The following ATP2C1 variants were observed in gnomAD, a reference collection of about 807,000 sequenced individuals.
ATP2C1 encodes the protein calcium-transporting ATPase type 2C member 1.
Under a neutral mutation model 120.5 loss-of-function variants are expected in ATP2C1, and 31 were observed. The ratio of observed to expected loss-of-function variants is 0.26; its 90% confidence interval spans 0.19 to 0.35. The LOEUF is 0.35. ATP2C1 is among the 10% of genes least tolerant of loss of function. ATP2C1 has a pLI of 1.00. For synonymous variants in ATP2C1, 351 were observed against 358.7 expected, an observed-to-expected ratio of 0.98 and a Z score of 0.24; for missense variants, 731 against 1,107.5, an observed-to-expected ratio of 0.66 and a Z score of 4.83.
chr3:130,992,733 T>C (rs577305892), intron 20 of ATP2C1, among the ~76,000 whole-genome samples: 2 of 152,370 alleles, frequency 1.3e-5, no homozygotes, highest in South Asian at 2.1e-4. Flanking sequence ...ATGACTTGTT[T>C]AGATTGTGTA....
At position 130,903,011 on chromosome 3, in the gene ATP2C1, A is replaced by G. The variant is rs978552146; in HGVS notation, c.6+8236A>G. ...GGAGTCACTGGAATTCTTTGCTGCT[A>G]TTTCTTTCCTTTTAGGAAAAAAACC... On this transcript the variant is annotated intron_variant, in intron 2 of 27. Transcript: ENST00000510168. Among the ~76,000 whole-genome samples the G allele has an allele frequency of 4.6e-5, 7 of 151,662 alleles. No homozygotes were observed. The South Asian group carries it at 6.2e-4, about 14-fold the overall frequency.
At chr3:130,964,825 A>G (rs2108639078) in intron 13 of ATP2C1, 123 bp from the exon 14 acceptor site, 2 of 655,958 alleles carry the variant, frequency 3.0e-6, no homozygotes, top group African/African-American at 1.8e-5. Flanking sequence ...AAAATTAACA[A>G]TGAGTTTGAT....
intron 2 of ATP2C1, among the ~76,000 whole-genome samples, chr3:130,920,872 TAAAC>T (rs1400160578): frequency 6.6e-6 from 1 of 152,162 alleles, no homozygotes; most frequent in African/African-American, 2.4e-5. Flanking sequence ...TGGTTTTCAA[TAAAC>T]AAACCTGTCA....
chr3:130,913,859 A>G (rs1206034245), intron 2 of ATP2C1, among the ~76,000 whole-genome samples: 2 of 152,228 alleles, frequency 1.3e-5, no homozygotes, highest in Non-Finnish European at 2.9e-5. Context: ...TCCTGGCCAT[A>G]TCACTTACTA....
At chr3:130,881,648 A>G (rs2068785240) in intron 1 of ATP2C1, among the ~76,000 whole-genome samples, 1 of 152,276 alleles carries the variant, frequency 6.6e-6, no homozygotes, top group Non-Finnish European at 1.5e-5. Context: ...TGCTTTGGGT[A>G]GCATGGACAT....
At chr3:130,974,268 A>G (rs1037196216) in intron 17 of ATP2C1, among the ~76,000 whole-genome samples, 2 of 152,262 alleles carry the variant, frequency 1.3e-5, no homozygotes, top group Non-Finnish European at 2.9e-5. Context: ...CAATCAGGAT[A>G]GGCCATGAAA....
chr3:131,008,423 C>CAAA (rs747486056), intron 26 of ATP2C1, among the ~76,000 whole-genome samples: 18 of 86,976 alleles, frequency 2.1e-4, no homozygotes, highest in African/African-American at 7.3e-4. Flanking sequence ...AAGACTGTCT[C>CAAA]AAAAAAAAAA....
At chr3:130,971,271 G>T (rs1462733231) in intron 17 of ATP2C1, among the ~76,000 whole-genome samples, 2 of 152,146 alleles carry the variant, frequency 1.3e-5, no homozygotes, top group Non-Finnish European at 2.9e-5. Context: ...TACATTGGAA[G>T]ATTAAATCTT....
chr3:130,857,235 T>C (rs1008050133), intron 1 of ATP2C1, among the ~76,000 whole-genome samples: 5 of 152,254 alleles, frequency 3.3e-5, no homozygotes, highest in African/African-American at 7.2e-5. Context: ...TTTCACATTA[T>C]CTACAAGATG....
At chr3:130,946,397 T>C (rs367902853) in intron 8 of ATP2C1, among the ~76,000 whole-genome samples, 1 of 152,242 alleles carries the variant, frequency 6.6e-6, no homozygotes, top group Non-Finnish European at 1.5e-5. Context: ...TTCCTTTCTG[T>C]TCCCTAGTTC....
intron 20 of ATP2C1, among the ~76,000 whole-genome samples, chr3:130,984,265 T>C (rs2061898152): frequency 6.6e-6 from 1 of 152,136 alleles, no homozygotes; most frequent in Non-Finnish European, 1.5e-5. Context: ...TGTACCCAAC[T>C]CTGATTATTA....
chr3:131,013,173 G>C lies in ATP2C1; in HGVS notation c.2630-2979G>C, dbSNP rs79604219. Among the ~76,000 whole-genome samples the C allele has an allele frequency of 4.7e-3, 722 of 152,256 alleles. 5 individuals are homozygous for C. Among genetic ancestry groups the C allele is most frequent in the African/African-American group, 0.016 (658 of 41,548 alleles). On this transcript the variant is annotated intron_variant, in intron 26 of 26. Coordinates refer to the ATP2C1 transcript ENST00000328560. Reference sequence around the variant, plus strand: ...AACTGGCCGGCACTTTCAGAACTCTGGGTATTTCTAATTTTAGCAGCCTCT... The same window carrying C: ...AACTGGCCGGCACTTTCAGAACTCTCGGTATTTCTAATTTTAGCAGCCTCT...
At position 130,999,512 on chromosome 3, in the gene ATP2C1, C is replaced by A; in HGVS notation, c.2488-6C>A. The A allele has an allele frequency of 1.9e-6, 3 of 1,613,324 alleles. No individual in the cohort carries two copies. Among genetic ancestry groups the A allele is most frequent in the Non-Finnish European group, 2.5e-6 (3 of 1,179,550 alleles). Reference sequence around the variant, plus strand: ...GTAATAAATGAACTCTCTGCTCTGCCAACAGACCAAGTCTGTGTTTGAGAT... The same window carrying A: ...GTAATAAATGAACTCTCTGCTCTGCAAACAGACCAAGTCTGTGTTTGAGAT... On this transcript the variant is annotated splice_polypyrimidine_tract_variant and splice_region_variant and intron_variant, in intron 26 of 27. Coordinates refer to ENST00000510168, the MANE Select transcript of ATP2C1 (RefSeq NM_001378687.1).
chr3:130,920,694 T>C (rs2058914828), intron 2 of ATP2C1, among the ~76,000 whole-genome samples: 1 of 152,202 alleles, frequency 6.6e-6, no homozygotes, highest in Admixed American at 6.5e-5. Flanking sequence ...TTTAGAATCG[T>C]TTTTCCATTT....
In ATP2C1 at chr3:130,894,707, G is replaced by C. The variant is rs1260497881; in HGVS notation, c.-63G>C. 5.6e-6 allele frequency: 9 copies of C among 1,613,982 alleles called. No individual in the cohort carries two copies. The South Asian group carries it at 7.7e-5, about 14-fold the overall frequency. ...CCTCCTCCTCTCCTCTCTATTCCCA[G>C]TGTGGCCGTGGCTGACACTAAAGAC... is the stretch of plus-strand genomic sequence containing the variant. On this transcript the variant is annotated 5_prime_UTR_variant, in exon 2 of 28. Transcript: ENST00000510168. This position sits in a 1 kb window ranked among gnomAD's most constrained non-coding sequence, Gnocchi z 4.5.
upstream of ATP2C1, among the ~76,000 whole-genome samples, chr3:130,889,543 C>T (rs2069095745): frequency 6.6e-6 from 1 of 151,608 alleles, no homozygotes; most frequent in South Asian, 2.1e-4. Flanking sequence ...CAATATCGAG[C>T]ATTTCTTACA....
At chr3:131,000,717 G>T (rs2062842554) in intron 27 of ATP2C1, among the ~76,000 whole-genome samples, 1 of 152,130 alleles carries the variant, frequency 6.6e-6, no homozygotes, top group African/African-American at 2.4e-5. Context: ...ATGTGACTTT[G>T]GATAAGTCAC....
chr3:130,918,571 G>T, intron 2 of ATP2C1: 1 of 733,698 alleles, frequency 1.4e-6, no homozygotes, highest in Non-Finnish European at 2.6e-6. Context: ...GTATGCCAGC[G>T]CCCTGGCCAT....
At chr3:130,943,685 A>G (rs2060018316) in intron 8 of ATP2C1, among the ~76,000 whole-genome samples, 1 of 152,164 alleles carries the variant, frequency 6.6e-6, no homozygotes, top group South Asian at 2.1e-4. Flanking sequence ...TTTTACGTAT[A>G]TAGTTGAACA....
Sources: gnomAD v4.1 joint callset for allele counts (sites outside exome capture counted in the v4.1 genomes callset) on GRCh38, gnomAD v4.1.1 for gene constraint, Gnocchi (gnomAD v3.1) non-coding constraint, MANE v1.5 for transcripts, NCBI Gene and HGNC (gene_info 2026-07-23, HGNC 2026-07-21) for gene names.